Variants in PYY observed in about 807,000 individuals in gnomAD.
PYY encodes peptide YY, also known as peptide tyrosine tyrosine.
In PYY, 12 loss-of-function variants were observed where a neutral mutation model predicts 10.3. The ratio of observed to expected loss-of-function variants is 1.17; its 90% confidence interval spans 0.75 to 1.89. PYY has a LOEUF of 1.89. Ranked by LOEUF, PYY falls within the 40% of genes most tolerant of loss-of-function variation. The probability of loss-of-function intolerance (pLI) is 0.00; values close to 1 mark genes in which losing one functional copy is unlikely to be tolerated. For synonymous variants in PYY, 66 were observed against 62.0 expected, an observed-to-expected ratio of 1.06 and a Z score of -0.30; for missense variants, 141 against 134.0, an observed-to-expected ratio of 1.05 and a Z score of -0.26.
At chr17:43,986,178 A>G (rs1267940664) in intron 1 of PYY, among the ~76,000 whole-genome samples, 2 of 152,104 alleles carry the variant, frequency 1.3e-5, no homozygotes, top group Non-Finnish European at 2.9e-5. Context: ...AGAATTGCTT[A>G]AACCCGGGAG....
chr17:43,954,350 G>A (rs2048658579), upstream of PYY, among the ~76,000 whole-genome samples: 1 of 152,148 alleles, frequency 6.6e-6, no homozygotes, highest in African/African-American at 2.4e-5. Flanking sequence ...TCCGTGGGAT[G>A]TGTGACCACT....
Position 43,987,039 on chromosome 17 carries a change from C to T in PYY, c.-463+17352G>A, listed in dbSNP as rs187328126. Among the ~76,000 whole-genome samples, 6 of 152,288 alleles carry T rather than the reference C, an allele frequency of 3.9e-5. No individual in the cohort carries two copies. The East Asian group carries it at 1.2e-3, about 29-fold the overall frequency. On this transcript the variant is annotated intron_variant, in intron 1 of 6. Coordinates refer to the PYY transcript ENST00000360085. The surrounding 1 kb of genome is among the most constrained non-coding windows in gnomAD (Gnocchi z 4.0). Reference sequence around the variant, plus strand: ...GGCAACACCAGGGCTCAGCTCAGGCCGGTCTGGCCCTGGCCTCATGAAGCC... The same window carrying T: ...GGCAACACCAGGGCTCAGCTCAGGCTGGTCTGGCCCTGGCCTCATGAAGCC...
At chr17:44,003,674 A>C (rs796953378) in intron 1 of PYY, among the ~76,000 whole-genome samples, 773 of 138,228 alleles carry the variant, frequency 5.6e-3, no homozygotes, top group African/African-American at 0.024. Context: ...AACAAACAAA[A>C]AAAAAAAAAA....
upstream of PYY, among the ~76,000 whole-genome samples, chr17:43,955,841 A>G (rs231460): frequency 0.83 from 126,308 of 151,820 alleles, 52,938 homozygotes; most frequent in East Asian, 1. Flanking sequence ...GGATGGAGGG[A>G]GCAGTGGGGG....
intron 1 of PYY, among the ~76,000 whole-genome samples, chr17:43,995,829 G>GA (rs573860516): frequency 0.32 from 30,805 of 97,596 alleles, 4,671 homozygotes; most frequent in East Asian, 0.64. Context: ...CCATCTCAAT[G>GA]AAAAAAAAAA....
chr17:43,967,315 G>A (rs1223035264), intron 1 of PYY, among the ~76,000 whole-genome samples: 1 of 152,024 alleles, frequency 6.6e-6, no homozygotes, highest in East Asian at 1.9e-4. Context: ...AAAAGAAGAA[G>A]AAGAAGAAAG....
At chr17:43,992,877 G>A (rs2048966878) in intron 1 of PYY, among the ~76,000 whole-genome samples, 1 of 152,156 alleles carries the variant, frequency 6.6e-6, no homozygotes, top group South Asian at 2.1e-4. Flanking sequence ...AACCACACAG[G>A]CTGGAACAGG....
rs746857353 is a variant in PYY at position 43,953,276 on chromosome 17, C to A, written c.188+20G>T. On this transcript the variant is annotated intron_variant, in intron 2 of 3. Coordinates refer to ENST00000692052, the MANE Select transcript of PYY (RefSeq NM_001394028.1). ...CGCAGGGTGAGAGCCCCAGGGGTCC[C>A]GCTCCGCGCCTGCGCTCACCGCTGC... 3.7e-6 allele frequency: 6 copies of A among 1,607,050 alleles called. No homozygotes were observed. The highest frequency in any genetic ancestry group is 5.1e-6 in the Non-Finnish European group (6 of 1,177,082).
At chr17:43,970,376 A>G (rs2048783846) in intron 1 of PYY, among the ~76,000 whole-genome samples, 1 of 151,742 alleles carries the variant, frequency 6.6e-6, no homozygotes, top group Admixed American at 6.6e-5. Flanking sequence ...GCGTGGTGGC[A>G]CATGCCTGTA....
At chr17:43,992,133 A>AC (rs2048961546) in intron 1 of PYY, among the ~76,000 whole-genome samples, 1 of 151,604 alleles carries the variant, frequency 6.6e-6, no homozygotes, top group African/African-American at 2.4e-5. Context: ...GAAAAAAAAA[A>AC]AAAAAAAAAC....
intron 1 of PYY, among the ~76,000 whole-genome samples, chr17:43,983,857 A>G (rs1354323532): frequency 6.6e-6 from 1 of 152,082 alleles, no homozygotes; most frequent in African/African-American, 2.4e-5. Flanking sequence ...GGTCCTCCCC[A>G]GGCGCGCGCA....
At chr17:43,989,851 T>A (rs1489264618) in intron 1 of PYY, among the ~76,000 whole-genome samples, 20 of 632 alleles carry the variant, frequency 0.032, 7 homozygotes, top group Non-Finnish European at 0.045. Flanking sequence ...AAAATATATA[T>A]ATATATATAT....
At chr17:43,999,649 T>C (rs944016593) in intron 1 of PYY, among the ~76,000 whole-genome samples, 9 of 151,590 alleles carry the variant, frequency 5.9e-5, no homozygotes, top group Non-Finnish European at 1.0e-4. Context: ...GTGCCTGTAA[T>C]CCCAGCTACT....
At position 43,952,840 on chromosome 17, in the gene PYY, C is replaced by G. The variant is rs2048640186; in HGVS notation, c.*116G>C. ...CGAGACGCGGGCGGAGGGCCGCACC[C>G]GAACCCTGCCCAGACGCCGCCGTCG... On this transcript the variant is annotated 3_prime_UTR_variant, in exon 4 of 4. Transcript: ENST00000692052. 3.2e-6 allele frequency: 4 copies of G among 1,248,896 alleles called. No homozygotes were observed. Among genetic ancestry groups the G allele is most frequent in the South Asian group, 3.2e-5 (2 of 61,828 alleles). The allele number at this position is 1,248,896 out of a possible 1,614,324, so 77.4% of individuals were successfully genotyped here. A position where few individuals can be genotyped will look rare whatever the true frequency, so the allele number is the denominator to read the frequency against.
intron 2 of PYY, among the ~76,000 whole-genome samples, chr17:43,962,197 G>A (rs1397730611): frequency 1.3e-5 from 2 of 152,110 alleles, no homozygotes; most frequent in Non-Finnish European, 2.9e-5. Flanking sequence ...AGAGTGATGT[G>A]TGCCACTCTC....
chr17:43,953,046 G>C, intron 3 of PYY, 63 bp downstream of exon 3: 2 of 1,592,392 alleles, frequency 1.3e-6, no homozygotes, highest in Admixed American at 1.8e-5. Flanking sequence ...GTTAAGTGAT[G>C]TTGCCAGGGT....
intron 2 of PYY, among the ~76,000 whole-genome samples, chr17:43,960,532 CAAAAA>C (rs1170040925): frequency 5.1e-5 from 3 of 59,000 alleles, no homozygotes; most frequent in Admixed American, 2.8e-4. Context: ...GACTTTGTCT[CAAAAA>C]AAAAAAAAAA....
intron 1 of PYY, among the ~76,000 whole-genome samples, chr17:43,983,189 G>A (rs1385114447): frequency 6.6e-6 from 1 of 152,150 alleles, no homozygotes; most frequent in African/African-American, 2.4e-5. Flanking sequence ...CCAAGGTCAC[G>A]CCATTGCACT....
chr17:43,974,313 T>C (rs1466363253), intron 1 of PYY, among the ~76,000 whole-genome samples: 1 of 151,692 alleles, frequency 6.6e-6, no homozygotes, highest in Non-Finnish European at 1.5e-5. Context: ...CTGCACAAAC[T>C]GCCCCCTTTA....
Sources: allele counts gnomAD v4.1 joint callset (sites outside exome capture counted in the v4.1 genomes callset), GRCh38; gene constraint gnomAD v4.1.1; non-coding constraint Gnocchi (gnomAD v3.1); transcripts MANE v1.5; gene names NCBI Gene and HGNC (gene_info 2026-07-23, HGNC 2026-07-21).